The following TMEM74 variants were observed in gnomAD, a reference collection of about 807,000 sequenced individuals.
TMEM74 encodes transmembrane protein 74.
TMEM74 carries 13 observed loss-of-function variants against 18.1 expected under a neutral mutation model. The ratio of observed to expected loss-of-function variants is 0.72; its 90% confidence interval spans 0.47 to 1.14. The LOEUF is 1.14. Among genes scored for constraint, TMEM74 ranks in the 50% most tolerant of loss-of-function variants. The probability of loss-of-function intolerance (pLI) is 0.00; values close to 1 mark genes in which losing one functional copy is unlikely to be tolerated. For missense variants in TMEM74, 372 were observed against 375.9 expected, an observed-to-expected ratio of 0.99 and a Z score of 0.09; for synonymous variants, 159 against 146.6, an observed-to-expected ratio of 1.08 and a Z score of -0.61.
intron 1 of TMEM74, among the ~76,000 whole-genome samples, chr8:108,752,563 C>A (rs1011928428): frequency 6.6e-5 from 10 of 152,170 alleles, no homozygotes; most frequent in African/African-American, 2.2e-4. Context: ...ACATGTTAAA[C>A]CTCCTTTCAT....
At chr8:108,773,633 C>T (rs1814197271) in intron 1 of TMEM74, among the ~76,000 whole-genome samples, 1 of 152,106 alleles carries the variant, frequency 6.6e-6, no homozygotes, top group African/African-American at 2.4e-5. Flanking sequence ...TCCTTTGCAG[C>T]TTTCTTTCTG....
chr8:108,708,014 G>T (rs1283044063), intron 1 of TMEM74, among the ~76,000 whole-genome samples: 1 of 152,000 alleles, frequency 6.6e-6, no homozygotes, highest in African/African-American at 2.4e-5. Context: ...TAGTTTTTCC[G>T]TTCTCGCCCT....
chr8:108,645,192 A>G (rs1161920430), intron 2 of TMEM74, among the ~76,000 whole-genome samples: 1 of 152,138 alleles, frequency 6.6e-6, no homozygotes, highest in African/African-American at 2.4e-5. Context: ...TGAAATCATG[A>G]CCTTTGCAGC....
rs1814279702 is a variant in TMEM74, at chr8:108,779,738, T to C, written c.*4443A>G. On this transcript the variant is annotated 3_prime_UTR_variant, in exon 2 of 2. Coordinates refer to ENST00000297459, the MANE Select transcript of TMEM74 (RefSeq NM_153015.3). Reference sequence around the variant, plus strand: ...TTTGGATATTAAAGCTGTATAACTATAAAATATAGTCCAAATGCACATAGA... The same window carrying C: ...TTTGGATATTAAAGCTGTATAACTACAAAATATAGTCCAAATGCACATAGA... 6.6e-6 allele frequency among the ~76,000 whole-genome samples: 1 copy of C among 152,192 alleles called. No homozygotes were observed. Among genetic ancestry groups the C allele is most frequent in the South Asian group, 2.1e-4 (1 of 4,826 alleles).
intron 1 of TMEM74, among the ~76,000 whole-genome samples, chr8:108,659,108 A>G (rs1201503190): frequency 2.0e-5 from 3 of 152,170 alleles, no homozygotes; most frequent in South Asian, 2.1e-4. Flanking sequence ...AATGTGATAA[A>G]CCAACAAGTA....
chr8:108,775,822 G>A (rs1459185276), downstream of TMEM74, among the ~76,000 whole-genome samples: 1 of 152,140 alleles, frequency 6.6e-6, no homozygotes, highest in African/African-American at 2.4e-5. Flanking sequence ...GAAGGCTGGG[G>A]GTTCTACCCT....
chr8:108,738,285 C>A (rs192077172), intron 1 of TMEM74, among the ~76,000 whole-genome samples: 42 of 152,178 alleles, frequency 2.8e-4, no homozygotes, highest in Middle Eastern at 3.4e-3. Context: ...ATGATTGGGG[C>A]CTTTTAGTGC....
In TMEM74 at chr8:108,718,244, C is replaced by T. The variant is rs548891266; in HGVS notation, n.120-62807G>A. Among the ~76,000 whole-genome samples, 188 of 71,124 alleles carry T rather than the reference C, an allele frequency of 2.6e-3. 29 individuals are homozygous for T. The highest frequency in any genetic ancestry group is 2.2e-3 in the East Asian group (2 of 928). The allele number at this position is 71,124 out of a possible 152,430, so 46.7% of individuals were successfully genotyped here. A position where few individuals can be genotyped will look rare whatever the true frequency, so the allele number is the denominator to read the frequency against. On this transcript the variant is annotated intron_variant and non_coding_transcript_variant, in intron 1 of 3. Coordinates refer to the TMEM74 transcript ENST00000518838. The stretch of plus-strand genomic sequence containing the variant: ...AAGTGCTGGGATTACAGGCGTGAGC[C>T]ACCGCGCCCGGCCCTGACTTAGGTT...
At chr8:108,689,234 T>C (rs1813200985) in intron 1 of TMEM74, among the ~76,000 whole-genome samples, 1 of 152,216 alleles carries the variant, frequency 6.6e-6, no homozygotes, top group Non-Finnish European at 1.5e-5. Flanking sequence ...AGGAAAGCTA[T>C]ATATATCAAG....
At chr8:108,760,132 C>T (rs1814024761) in intron 1 of TMEM74, among the ~76,000 whole-genome samples, 1 of 148,682 alleles carries the variant, frequency 6.7e-6, no homozygotes. Flanking sequence ...AGGATTGCGC[C>T]ACTGTTCTGC....
chr8:108,726,212 C>A (rs2130635173), intron 1 of TMEM74, among the ~76,000 whole-genome samples: 1 of 152,226 alleles, frequency 6.6e-6, no homozygotes, highest in Non-Finnish European at 1.5e-5. Context: ...TCTAAAACCT[C>A]TATACCTAAT....
intron 2 of TMEM74, among the ~76,000 whole-genome samples, chr8:108,647,244 T>C (rs761916038): frequency 1.2e-4 from 19 of 152,136 alleles, no homozygotes; most frequent in Non-Finnish European, 2.4e-4. Context: ...ATTTTGGTTT[T>C]AGTTTGAAGA....
At chr8:108,617,710 G>A (rs1350005260) in intron 2 of TMEM74, among the ~76,000 whole-genome samples, 1 of 152,112 alleles carries the variant, frequency 6.6e-6, no homozygotes, top group Non-Finnish European at 1.5e-5. Flanking sequence ...GGAGCCCTAG[G>A]GAGATGTGGG....
At chr8:108,615,939 A>G (rs1400382648) in intron 2 of TMEM74, among the ~76,000 whole-genome samples, 2 of 146,754 alleles carry the variant, frequency 1.4e-5, no homozygotes, top group Non-Finnish European at 3.0e-5. Flanking sequence ...GGCACGTGCC[A>G]CCACACCCAG....
chr8:108,757,189 A>G (rs1813985199), intron 1 of TMEM74, among the ~76,000 whole-genome samples: 1 of 152,060 alleles, frequency 6.6e-6, no homozygotes, highest in Non-Finnish European at 1.5e-5. Context: ...TTTGGGGTCT[A>G]AAACACCTCA....
At chr8:108,628,971 T>C (rs1217373663) in intron 2 of TMEM74, among the ~76,000 whole-genome samples, 1 of 152,108 alleles carries the variant, frequency 6.6e-6, no homozygotes, top group African/African-American at 2.4e-5. Flanking sequence ...TGCCCACTTT[T>C]TAATGGTGTT....
At chr8:108,677,069 TA>T (rs1206194170) in intron 1 of TMEM74, among the ~76,000 whole-genome samples, 1 of 152,212 alleles carries the variant, frequency 6.6e-6, no homozygotes, top group Non-Finnish European at 1.5e-5. Flanking sequence ...CCTTCAGCTG[TA>T]AAATACGTCA....
intron 2 of TMEM74, among the ~76,000 whole-genome samples, chr8:108,630,563 G>A (rs1041348164): frequency 5.3e-5 from 8 of 151,896 alleles, no homozygotes; most frequent in East Asian, 1.9e-4. Flanking sequence ...TTCTAAAATC[G>A]ACCATGTCAT....
chr8:108,657,896 ATATATATT>A (rs1486594750), intron 1 of TMEM74, among the ~76,000 whole-genome samples: 16 of 123,066 alleles, frequency 1.3e-4, no homozygotes, highest in African/African-American at 3.7e-4. Context: ...ATATATATAT[ATATATATT>A]AATTACATAT....
Sources: gnomAD v4.1 joint callset for allele counts (sites outside exome capture counted in the v4.1 genomes callset) on GRCh38, gnomAD v4.1.1 for gene constraint, MANE v1.5 for transcripts, NCBI Gene and HGNC (gene_info 2026-07-23, HGNC 2026-07-21) for gene names.